The following CPEB4 variants were observed in gnomAD, a reference collection of about 807,000 sequenced individuals.
The protein encoded by CPEB4 is cytoplasmic polyadenylation element-binding protein 4.
Under a neutral mutation model 72.5 loss-of-function variants are expected in CPEB4, and 12 were observed. The observed-to-expected ratio is 0.17, with a 90% CI of 0.11 to 0.27. The LOEUF is 0.27. CPEB4 is among the 10% of genes least tolerant of loss of function. CPEB4 has a pLI of 1.00. For synonymous variants in CPEB4, 302 were observed against 326.3 expected (o/e 0.93, Z 0.80); for missense variants, 614 against 908.5 (o/e 0.68, Z 4.17).
At chr5:173,893,514 G>T (rs888291125) in intron 1 of CPEB4, among the ~76,000 whole-genome samples, 1 of 151,968 alleles carries the variant, frequency 6.6e-6, no homozygotes, top group Non-Finnish European at 1.5e-5. Context: ...ATAGATATTA[G>T]CACTTCAATT....
intron 2 of CPEB4, among the ~76,000 whole-genome samples, chr5:173,917,160 T>C (rs902430899): frequency 1.8e-4 from 27 of 152,164 alleles, no homozygotes; most frequent in Admixed American, 5.2e-4. Flanking sequence ...TGTTATAAAT[T>C]TGAAGTAATT....
At position 173,951,950 on chromosome 5, in the gene CPEB4, C is replaced by T. The variant is rs779257163; in HGVS notation, c.1780+12C>T. ...ACCATTACGAGCTGGTATGATTAAA[C>T]AAACGACAAACTCTCTACCCTATAG... On this transcript the variant is annotated intron_variant, in intron 8 of 9. Transcript: ENST00000265085. 1.1e-5 allele frequency: 16 copies of T among 1,491,694 alleles called. No individual in the cohort carries two copies. Among genetic ancestry groups the T allele is most frequent in the East Asian group, 4.5e-5 (2 of 44,366 alleles). 92.4% of individuals were successfully genotyped at this position (1,491,694 alleles called of 1,614,324 possible). A position where few individuals can be genotyped will look rare whatever the true frequency, so the allele number is the denominator to read the frequency against.
At chr5:173,937,849 A>G (rs933476379) in intron 3 of CPEB4, among the ~76,000 whole-genome samples, 44 of 152,314 alleles carry the variant, frequency 2.9e-4, no homozygotes, top group Non-Finnish European at 1.2e-4. Flanking sequence ...TGTCTTTATC[A>G]TATCTTAGGA....
intron 3 of CPEB4, among the ~76,000 whole-genome samples, chr5:173,939,030 A>G (rs1033135146): frequency 1.3e-5 from 2 of 152,182 alleles, no homozygotes; most frequent in Admixed American, 1.3e-4. Flanking sequence ...GCTCATGCTT[A>G]CAATCCTAGC....
At chr5:173,941,720 A>T (rs1290216322) in intron 3 of CPEB4, among the ~76,000 whole-genome samples, 1 of 152,086 alleles carries the variant, frequency 6.6e-6, no homozygotes, top group Non-Finnish European at 1.5e-5. Context: ...CAAAAAAAAA[A>T]TACAAAAATT....
At chr5:173,916,984 A>G (rs1017149341) in intron 2 of CPEB4, among the ~76,000 whole-genome samples, 6 of 152,308 alleles carry the variant, frequency 3.9e-5, no homozygotes, top group East Asian at 3.9e-4. Context: ...TAATATTCCT[A>G]TATTCCAAAT....
At chr5:173,893,573 GA>G (rs35655795) in intron 1 of CPEB4, among the ~76,000 whole-genome samples, 13,848 of 150,762 alleles carry the variant, frequency 0.092, 1,666 homozygotes, top group East Asian at 0.52. Context: ...TCTCACAGGG[GA>G]AAAAAAAAGA....
rs183851101 is a variant in CPEB4, at chr5:173,957,559, C to T, written c.*1422C>T. 30 of 152,866 alleles carry T rather than the reference C, an allele frequency of 2.0e-4. No homozygotes were observed. In the East Asian group the frequency reaches 4.5e-3, roughly 23 times the overall value. The allele number at this position is 152,866 out of a possible 1,614,324, so 9.5% of individuals were successfully genotyped here. ...GCGTTATGTGTTGAACAGTATGCTTCAGGGGTAAATTTAAAATAGTCTCTT... is the reference window on the plus strand; with the variant it reads ...GCGTTATGTGTTGAACAGTATGCTTTAGGGGTAAATTTAAAATAGTCTCTT... On this transcript the variant is annotated 3_prime_UTR_variant, in exon 10 of 10. Transcript: ENST00000265085.
intron 2 of CPEB4, among the ~76,000 whole-genome samples, chr5:173,924,532 G>T (rs1232746288): frequency 1.3e-5 from 2 of 152,054 alleles, no homozygotes; most frequent in African/African-American, 4.8e-5. Flanking sequence ...GAAAATTGTT[G>T]GTTATCTTCG....
intron 2 of CPEB4, among the ~76,000 whole-genome samples, chr5:173,921,472 C>T (rs1049205463): frequency 1.3e-5 from 2 of 152,166 alleles, no homozygotes; most frequent in Non-Finnish European, 2.9e-5. Context: ...AGGCTACTGA[C>T]GCTCTCCTAA....
chr5:173,917,938 T>C (rs1474577691), intron 2 of CPEB4, among the ~76,000 whole-genome samples: 4 of 152,214 alleles, frequency 2.6e-5, no homozygotes, highest in Non-Finnish European at 5.9e-5. Context: ...TGAACTAGGC[T>C]GGCTCTTTCT....
At chr5:173,935,040 C>T (rs980505179) in intron 3 of CPEB4, among the ~76,000 whole-genome samples, 3 of 152,156 alleles carry the variant, frequency 2.0e-5, no homozygotes, top group African/African-American at 7.2e-5. Context: ...TTTACAGGTA[C>T]TACCCATCAC....
chr5:173,952,967 C>T, intron 8 of CPEB4, 124 bp from the exon 9 acceptor site: 3 of 755,744 alleles, frequency 4.0e-6, no homozygotes, highest in Non-Finnish European at 6.3e-6. Context: ...AGTAATGTTT[C>T]ATTTTAATAA....
chr5:173,914,704 C>T (rs1756799773), intron 2 of CPEB4, among the ~76,000 whole-genome samples: 2 of 151,994 alleles, frequency 1.3e-5, no homozygotes, highest in South Asian at 4.1e-4. Context: ...TGCAATGAGC[C>T]GAGATCGGGC....
rs71820084 is a variant in CPEB4 at position 173,892,274 on chromosome 5, A to ATTTT, written c.1125+1428_1125+1431dup. Among the ~76,000 whole-genome samples the ATTTT allele has an allele frequency of 9.1e-5, 11 of 120,766 alleles. 1 individual carries two copies. The highest frequency in any genetic ancestry group is 1.5e-4 in the African/African-American group (5 of 32,584). The allele number at this position is 120,766 out of a possible 152,430, so 79.2% of individuals were successfully genotyped here. A position where few individuals can be genotyped will look rare whatever the true frequency, so the allele number is the denominator to read the frequency against. ...ATTTAGTTTTCGACTTCTAAAAACG[A>ATTTT]TTTTTTTTTTTTTTTGCCTATCAAA... On this transcript the variant is annotated intron_variant, in intron 1 of 9. Transcript: ENST00000265085.
Position 173,953,156 on chromosome 5 carries a change from C to T in CPEB4, c.1846C>T (p.Pro616Ser). Reference sequence around the variant, plus strand: ...GTGCTACGCTGGGATTGATACCGACCCTGAGCTAAAATACCCAAAAGGAGC... The same window carrying T: ...GTGCTACGCTGGGATTGATACCGACTCTGAGCTAAAATACCCAAAAGGAGC... ...GVCYAGIDTDPELKYPKGAGR... is the reference protein window; with the variant it reads ...GVCYAGIDTDSELKYPKGAGR... Residue 616 changes from proline (P) to serine (S), a missense_variant, in exon 9 of 10, where the codon CCT (proline) becomes TCT (serine). Coordinates refer to ENST00000265085, the MANE Select transcript of CPEB4 (RefSeq NM_030627.4). The T allele has an allele frequency of 1.2e-6, 2 of 1,613,680 alleles. No individual in the cohort carries two copies. Among genetic ancestry groups the T allele is most frequent in the Non-Finnish European group, 8.5e-7 (1 of 1,179,748 alleles).
At chr5:173,899,705 G>A (rs1756154982) in intron 1 of CPEB4, among the ~76,000 whole-genome samples, 1 of 152,230 alleles carries the variant, frequency 6.6e-6, no homozygotes, top group Non-Finnish European at 1.5e-5. Flanking sequence ...ACAGGACTGA[G>A]CTTTTATGGT....
chr5:173,950,787 A>G lies in CPEB4; in HGVS notation c.1665+709A>G, dbSNP rs961360955. Among the ~76,000 whole-genome samples, 4 of 152,166 alleles carry G rather than the reference A, an allele frequency of 2.6e-5. No homozygotes were observed. The highest frequency in any genetic ancestry group is 4.8e-5 in the African/African-American group (2 of 41,434). On this transcript the variant is annotated intron_variant, in intron 7 of 9. Coordinates refer to ENST00000265085, the MANE Select transcript of CPEB4 (RefSeq NM_030627.4). This position sits in a 1 kb window ranked among gnomAD's most constrained non-coding sequence, Gnocchi z 5.0. ...CCCAATATTATCCTTAACTTTATAT[A>G]TGGTACTCTCCAAAGTAGACTGAAT...
intron 2 of CPEB4, among the ~76,000 whole-genome samples, chr5:173,914,812 A>G (rs1439481514): frequency 6.6e-6 from 1 of 152,180 alleles, no homozygotes; most frequent in Non-Finnish European, 1.5e-5. Context: ...AGAGAACAGT[A>G]TACCACTCAG....
Sources: gnomAD v4.1 joint callset for allele counts (sites outside exome capture counted in the v4.1 genomes callset) on GRCh38, gnomAD v4.1.1 for gene constraint, Gnocchi (gnomAD v3.1) non-coding constraint, MANE v1.5 for transcripts, NCBI Gene and HGNC (gene_info 2026-07-23, HGNC 2026-07-21) for gene names.